STK38L: variants seen among roughly 807,000 people sequenced by gnomAD.
STK38L encodes the protein serine/threonine kinase 38 like, also known as serine/threonine-protein kinase 38-like.
A neutral mutation model predicts 59.7 loss-of-function variants in STK38L; 28 were observed. That is an observed-to-expected ratio of 0.47 (90% confidence interval 0.35 to 0.64). The LOEUF is 0.64. STK38L is among the 30% of genes least tolerant of loss of function. The pLI, the probability that STK38L is intolerant of heterozygous loss-of-function variation, is 0.01. For missense variants in STK38L, 314 were observed against 555.8 expected, an observed-to-expected ratio of 0.56 and a Z score of 4.37; for synonymous variants, 162 against 176.8, an observed-to-expected ratio of 0.92 and a Z score of 0.66.
At chr12:27,321,755 T>C (rs1159576491) in intron 12 of STK38L, among the ~76,000 whole-genome samples, 1 of 152,112 alleles carries the variant, frequency 6.6e-6, no homozygotes, top group Non-Finnish European at 1.5e-5. Flanking sequence ...TCAATAATAA[T>C]TGTACATTTT....
At chr12:27,300,386 T>C (rs966928271) in intron 2 of STK38L, among the ~76,000 whole-genome samples, 16 of 152,338 alleles carry the variant, frequency 1.1e-4, no homozygotes, top group East Asian at 3.8e-4. Context: ...TAGAAATGGA[T>C]AAAAGTTACT....
chr12:27,312,257 G>T (rs11048969), intron 5 of STK38L, among the ~76,000 whole-genome samples: 6,945 of 152,254 alleles, frequency 0.046, 517 homozygotes, highest in African/African-American at 0.16. Flanking sequence ...AGGCTGGGTA[G>T]AGATTCTGGT....
chr12:27,269,625 G>A (rs41350148), intron 1 of STK38L, among the ~76,000 whole-genome samples: 5,195 of 152,220 alleles, frequency 0.034, 112 homozygotes, highest in South Asian at 0.093. Context: ...TATGTTCTGT[G>A]TCATAACCCA....
chr12:27,300,456 A>G (rs1292235658), intron 2 of STK38L: 2 of 445,018 alleles, frequency 4.5e-6, no homozygotes, highest in East Asian at 1.4e-4. Flanking sequence ...ATAACTGAGG[A>G]AAGGGACAGT....
chr12:27,313,675 C>T (rs1457734230), intron 6 of STK38L, among the ~76,000 whole-genome samples: 1 of 150,610 alleles, frequency 6.6e-6, no homozygotes, highest in African/African-American at 2.4e-5. Context: ...GAACCACTGC[C>T]CCTGGCTCCC....
chr12:27,251,115 C>T (rs1472207010), intron 1 of STK38L, among the ~76,000 whole-genome samples: 2 of 152,006 alleles, frequency 1.3e-5, no homozygotes, highest in Admixed American at 6.6e-5. Flanking sequence ...CTCTTCTAGT[C>T]CCACCCCAAG....
rs142590207 is a variant in STK38L, at chr12:27,310,382, C to T, written c.393+1185C>T. Among the ~76,000 whole-genome samples the T allele has an allele frequency of 9.7e-3, 1,472 of 152,132 alleles. 6 individuals are homozygous for T. Among genetic ancestry groups the T allele is most frequent in the Non-Finnish European group, 0.017 (1,137 of 68,008 alleles). On this transcript the variant is annotated intron_variant, in intron 5 of 13. Transcript: ENST00000389032. ...GGACGTGGGTAAAGATGCATAGCCT[C>T]AGAGACAGGGAGGGCAACAGGAATC... is the stretch of plus-strand genomic sequence containing the variant.
At chr12:27,306,589 T>C (rs199585503) in intron 3 of STK38L, among the ~76,000 whole-genome samples, 37 of 152,282 alleles carry the variant, frequency 2.4e-4, no homozygotes, top group East Asian at 1.7e-3. Context: ...TTCACTATTG[T>C]TTCAGGCCAC....
intron 1 of STK38L, among the ~76,000 whole-genome samples, chr12:27,263,084 C>A (rs1240837426): frequency 1.3e-5 from 2 of 152,144 alleles, no homozygotes; most frequent in Non-Finnish European, 2.9e-5. Flanking sequence ...AGTCACTGTG[C>A]CCAGCCAAGA....
intron 2 of STK38L, among the ~76,000 whole-genome samples, chr12:27,301,503 G>A (rs758443231): frequency 3.9e-5 from 6 of 152,058 alleles, no homozygotes; most frequent in Non-Finnish European, 5.9e-5. Flanking sequence ...CTCGTGATCC[G>A]CCCACCTCGG....
intron 11 of STK38L, among the ~76,000 whole-genome samples, chr12:27,318,547 A>T (rs1170938507): frequency 6.6e-6 from 1 of 152,224 alleles, no homozygotes; most frequent in Admixed American, 6.5e-5. Context: ...GATTTCGCTT[A>T]TGCAGATAAT....
intron 1 of STK38L, among the ~76,000 whole-genome samples, chr12:27,290,180 A>T (rs1029589019): frequency 5.9e-5 from 9 of 152,326 alleles, no homozygotes; most frequent in Middle Eastern, 3.4e-3. Context: ...AATTATCTTA[A>T]GTCTTATATT....
chr12:27,314,401 CAAAAAAAA>C, intron 6 of STK38L, 95 bp from the exon 7 acceptor site: 2 of 675,880 alleles, frequency 3.0e-6, no homozygotes, highest in East Asian at 4.1e-5. Context: ...ACTCTGTCTC[CAAAAAAAA>C]AAAAAAAAAA....
intron 1 of STK38L, among the ~76,000 whole-genome samples, chr12:27,291,323 A>G (rs986033570): frequency 1.4e-4 from 22 of 152,128 alleles, no homozygotes; most frequent in African/African-American, 5.3e-4. Flanking sequence ...CATGCCTTAC[A>G]GCTCTTCCTC....
In STK38L at chr12:27,308,821, A is replaced by G. The variant is rs550377767; in HGVS notation, c.310-293A>G. Among the ~76,000 whole-genome samples, 13 of 148,496 alleles carry G rather than the reference A, an allele frequency of 8.8e-5. No homozygotes were observed. The East Asian group carries it at 1.9e-3, about 22-fold the overall frequency. On this transcript the variant is annotated intron_variant, in intron 4 of 13. Transcript: ENST00000389032. The surrounding 1 kb of genome is among the most constrained non-coding windows in gnomAD (Gnocchi z 4.5). ...GCAACATGAGTGAAACGCTCTCTCAAAAAAATATATATATGTGTTTGTATG... is the reference window on the plus strand; with the variant it reads ...GCAACATGAGTGAAACGCTCTCTCAGAAAAATATATATATGTGTTTGTATG...
At chr12:27,319,164 T>G (rs1001819689) in intron 11 of STK38L, among the ~76,000 whole-genome samples, 164 bp from the exon 12 acceptor site, 2 of 152,210 alleles carry the variant, frequency 1.3e-5, no homozygotes, top group Admixed American at 6.5e-5. Context: ...ACAGTGCGCT[T>G]ACAGATGATT....
intron 1 of STK38L, among the ~76,000 whole-genome samples, chr12:27,294,260 C>T (rs1367224313): frequency 2.0e-5 from 3 of 151,686 alleles, no homozygotes; most frequent in Admixed American, 2.0e-4. Context: ...TGGCTTGTAC[C>T]TGTAATCCCA....
intron 1 of STK38L, among the ~76,000 whole-genome samples, chr12:27,258,419 C>T (rs188171832): frequency 5.8e-4 from 89 of 152,152 alleles, no homozygotes; most frequent in African/African-American, 1.9e-3. Flanking sequence ...ACTGCCACCT[C>T]CTGGGTTCAA....
At chr12:27,260,539 A>C (rs1943183491) in intron 1 of STK38L, among the ~76,000 whole-genome samples, 1 of 149,344 alleles carries the variant, frequency 6.7e-6, no homozygotes, top group Non-Finnish European at 1.5e-5. Flanking sequence ...CTTTCTTACC[A>C]CTCCCCCTCA....
Sources: gnomAD v4.1 joint callset for allele counts (sites outside exome capture counted in the v4.1 genomes callset) on GRCh38, gnomAD v4.1.1 for gene constraint, Gnocchi (gnomAD v3.1) non-coding constraint, MANE v1.5 for transcripts, NCBI Gene and HGNC (gene_info 2026-07-23, HGNC 2026-07-21) for gene names.